Variants in CDH4 observed in about 807,000 individuals in gnomAD.
CDH4 encodes cadherin 4.
CDH4 carries 33 observed loss-of-function variants against 86.0 expected under a neutral mutation model. The observed-to-expected ratio is 0.38, with a 90% confidence interval of 0.29 to 0.51. CDH4 has a LOEUF of 0.51. Ranked by LOEUF, CDH4 falls within the 20% of genes least tolerant of loss-of-function variation. The pLI is 0.86. For synonymous variants in CDH4, 555 were observed against 549.4 expected (o/e 1.01, Z -0.14); for missense variants, 1,114 against 1,307.4 (o/e 0.85, Z 2.28).
At chr20:61,775,660 C>A (rs1227853931) in intron 4 of CDH4, among the ~76,000 whole-genome samples, 1 of 152,204 alleles carries the variant, frequency 6.6e-6, no homozygotes, top group Non-Finnish European at 1.5e-5. Flanking sequence ...AAGGGCTGCC[C>A]AAGCCACCCT....
At chr20:61,408,160 G>A (rs2085094524) in intron 2 of CDH4, among the ~76,000 whole-genome samples, 1 of 152,066 alleles carries the variant, frequency 6.6e-6, no homozygotes, top group African/African-American at 2.4e-5. Flanking sequence ...TCTCTTATAA[G>A]GGTCCCTGAG....
At chr20:61,422,466 A>AAAAC (rs2085185280) in intron 2 of CDH4, among the ~76,000 whole-genome samples, 2 of 63,320 alleles carry the variant, frequency 3.2e-5, no homozygotes, top group Non-Finnish European at 6.1e-5. Context: ...AAAAAAAAAA[A>AAAAC]ACCAAATCTC....
intron 2 of CDH4, among the ~76,000 whole-genome samples, chr20:61,261,922 C>T (rs1438972256): frequency 6.6e-6 from 1 of 152,182 alleles, no homozygotes; most frequent in East Asian, 1.9e-4. Context: ...TTCTGTGATG[C>T]CAGTGGGAGC....
chr20:61,796,780 A>C (rs1979553894), intron 4 of CDH4, among the ~76,000 whole-genome samples: 1 of 152,122 alleles, frequency 6.6e-6, no homozygotes, highest in Non-Finnish European at 1.5e-5. Context: ...CCTGCTGGGA[A>C]ATGCTAGAAA....
At chr20:61,932,692 C>A (rs1040059626) in intron 13 of CDH4, among the ~76,000 whole-genome samples, 2 of 152,190 alleles carry the variant, frequency 1.3e-5, no homozygotes, top group Non-Finnish European at 2.9e-5. Flanking sequence ...GCACCTACAT[C>A]CACGACTCCT....
At chr20:61,878,399 G>T (rs889826068) in intron 7 of CDH4, among the ~76,000 whole-genome samples, 1 of 152,350 alleles carries the variant, frequency 6.6e-6, no homozygotes, top group Non-Finnish European at 1.5e-5. Flanking sequence ...AGTGTTGGGC[G>T]CCCTCAGGGC....
intron 7 of CDH4, among the ~76,000 whole-genome samples, chr20:61,892,528 C>G (rs1984869346): frequency 6.6e-6 from 1 of 152,040 alleles, no homozygotes; most frequent in African/African-American, 2.4e-5. Flanking sequence ...GGCTGGAGGG[C>G]TGGGAGAGAA....
chr20:61,603,044 A>G (rs1166297430), intron 2 of CDH4, among the ~76,000 whole-genome samples: 4 of 152,248 alleles, frequency 2.6e-5, no homozygotes, highest in African/African-American at 9.6e-5. Flanking sequence ...CGTGCAAGGC[A>G]CTAAGGATAC....
intron 2 of CDH4, among the ~76,000 whole-genome samples, chr20:61,725,378 AC>A (rs1335495599): frequency 5.3e-5 from 8 of 152,266 alleles, no homozygotes; most frequent in Admixed American, 5.2e-4. Flanking sequence ...CAGAGCCAGG[AC>A]CCAGGTCTGG....
intron 2 of CDH4, among the ~76,000 whole-genome samples, chr20:61,385,379 C>T (rs563144031): frequency 1.3e-5 from 2 of 152,224 alleles, no homozygotes; most frequent in South Asian, 2.1e-4. Context: ...ATGAGATGAA[C>T]GCTCAGATCA....
At chr20:61,903,672 G>A (rs2054754302) in intron 8 of CDH4, among the ~76,000 whole-genome samples, 1 of 151,576 alleles carries the variant, frequency 6.6e-6, no homozygotes, top group African/African-American at 2.4e-5. Context: ...CAAAAACCGT[G>A]AAGGTGACCT....
At chr20:61,435,465 C>T (rs1314605471) in intron 2 of CDH4, among the ~76,000 whole-genome samples, 1 of 150,538 alleles carries the variant, frequency 6.6e-6, no homozygotes, top group East Asian at 1.9e-4. Flanking sequence ...TCCAGCCCGG[C>T]TGCAGGGTGC....
chr20:61,564,338 AATC>A (rs2145691723), intron 2 of CDH4, among the ~76,000 whole-genome samples: 1 of 152,220 alleles, frequency 6.6e-6, no homozygotes, highest in Non-Finnish European at 1.5e-5. Context: ...GTCGCTTCCT[AATC>A]TCATGCTGAG....
At chr20:61,304,089 C>T (rs1035213172) in intron 2 of CDH4, among the ~76,000 whole-genome samples, 4 of 152,132 alleles carry the variant, frequency 2.6e-5, no homozygotes, top group Non-Finnish European at 5.9e-5. Flanking sequence ...AACCCGTGTC[C>T]TGGGGCCTGG....
At chr20:61,839,166 A>C (rs1404512391) in intron 4 of CDH4, among the ~76,000 whole-genome samples, 1 of 152,194 alleles carries the variant, frequency 6.6e-6, no homozygotes, top group African/African-American at 2.4e-5. Context: ...GAGATTTTTA[A>C]AGTGTCTTTA....
At chr20:61,298,945 A>G (rs972203557) in intron 2 of CDH4, among the ~76,000 whole-genome samples, 16 of 152,148 alleles carry the variant, frequency 1.1e-4, no homozygotes, top group African/African-American at 3.9e-4. Flanking sequence ...AAAACAGCCA[A>G]TTTGGAACCC....
rs748386891 is a variant in CDH4, at chr20:61,743,547, C to A, written c.170-16C>A. 6.5e-7 allele frequency: 1 copy of A among 1,549,352 alleles called. No individual in the cohort carries two copies. Among genetic ancestry groups the A allele is most frequent in the Non-Finnish European group, 8.7e-7 (1 of 1,143,970 alleles). On this transcript the variant is annotated splice_polypyrimidine_tract_variant and intron_variant, in intron 2 of 15. Transcript: ENST00000614565. The stretch of plus-strand genomic sequence containing the variant: ...CTGGCCAAGCCGACCCTGACTCTCT[C>A]CCCCTCCTCTTGCAGTCAAGTTCAG...
intron 9 of CDH4, among the ~76,000 whole-genome samples, chr20:61,920,448 G>A (rs949136714): frequency 4.0e-5 from 6 of 150,426 alleles, no homozygotes; most frequent in Non-Finnish European, 8.9e-5. Context: ...TGATTGCATG[G>A]AAATGTGTGA....
chr20:61,298,345 C>A (rs1192053347), intron 2 of CDH4, among the ~76,000 whole-genome samples: 2 of 151,436 alleles, frequency 1.3e-5, no homozygotes, highest in Non-Finnish European at 2.9e-5. Flanking sequence ...CATTGATCCA[C>A]TCTCCTAGAC....
Sources: allele counts gnomAD v4.1 joint callset (sites outside exome capture counted in the v4.1 genomes callset), GRCh38; gene constraint gnomAD v4.1.1; transcripts MANE v1.5; gene names NCBI Gene and HGNC (gene_info 2026-07-23, HGNC 2026-07-21).